The following CACNB2 variants were observed in gnomAD, a reference collection of about 807,000 sequenced individuals.
CACNB2 encodes the protein voltage-dependent L-type calcium channel subunit beta-2.
Under a neutral mutation model 73.3 loss-of-function variants are expected in CACNB2, and 42 were observed. The observed-to-expected ratio is 0.57, with a 90% CI of 0.45 to 0.74. The LOEUF (loss-of-function observed/expected upper bound fraction) is 0.74, where lower values mean the gene tolerates loss of function less well. Among genes scored for constraint, CACNB2 ranks in the 30% least tolerant of loss-of-function variants. The probability of loss-of-function intolerance (pLI) is 0.00; values close to 1 mark genes in which losing one functional copy is unlikely to be tolerated. For synonymous variants in CACNB2, 348 were observed against 310.3 expected (o/e 1.12, Z -1.28); for missense variants, 940 against 853.0 (o/e 1.10, Z -1.27).
intron 2 of CACNB2, among the ~76,000 whole-genome samples, chr10:18,197,199 A>T (rs867896359): frequency 2.6e-5 from 4 of 152,078 alleles, no homozygotes; most frequent in African/African-American, 9.7e-5. Context: ...TTCTTCTAGC[A>T]CCTAGCATTT....
chr10:18,524,687 A>G, intron 9 of CACNB2, among the ~76,000 whole-genome samples: 1 of 151,028 alleles, frequency 6.6e-6, no homozygotes, highest in South Asian at 2.1e-4. Context: ...TGAGCAAATA[A>G]AAAGTTGTTT....
chr10:18,222,983 C>T (rs1160281967), intron 2 of CACNB2, among the ~76,000 whole-genome samples: 1 of 152,130 alleles, frequency 6.6e-6, no homozygotes, highest in African/African-American at 2.4e-5. Context: ...AGTAAGCTTT[C>T]ATTCCTTTGT....
intron 2 of CACNB2, among the ~76,000 whole-genome samples, chr10:18,357,915 T>G (rs2132189088): frequency 6.6e-6 from 1 of 152,248 alleles, no homozygotes; most frequent in East Asian, 1.9e-4. Context: ...GACGATAAAC[T>G]CCTTAAGCTC....
intron 2 of CACNB2, among the ~76,000 whole-genome samples, chr10:18,323,233 A>T (rs2040460056): frequency 6.6e-6 from 1 of 151,990 alleles, no homozygotes; most frequent in Non-Finnish European, 1.5e-5. Flanking sequence ...TGCTGTGATT[A>T]CAGGCGTGAG....
In CACNB2 at chr10:18,538,034, A is replaced by C; in HGVS notation, c.1303-146A>C. The C allele has an allele frequency of 5.1e-6, 4 of 778,268 alleles. No individual in the cohort carries two copies. The South Asian group carries it at 5.6e-5, about 11-fold the overall frequency. 48.2% of individuals were successfully genotyped at this position (778,268 alleles called of 1,614,324 possible). A position where few individuals can be genotyped will look rare whatever the true frequency, so the allele number is the denominator to read the frequency against. ...GTAGTCAGACACTTCCTAACTAAAT[A>C]AAAAGGGAGATAGTAGCAGCACTTA... On this transcript the variant is annotated intron_variant, in intron 12 of 13. Coordinates refer to ENST00000324631, the MANE Select transcript of CACNB2 (RefSeq NM_201596.3).
chr10:18,338,841 T>C (rs2041118668), intron 2 of CACNB2, among the ~76,000 whole-genome samples: 1 of 148,446 alleles, frequency 6.7e-6, no homozygotes, highest in Non-Finnish European at 1.5e-5. Flanking sequence ...CAGGTTCAAA[T>C]GATCCTCCCA....
At chr10:18,306,171 C>T (rs142768010) in intron 2 of CACNB2, among the ~76,000 whole-genome samples, 5 of 152,126 alleles carry the variant, frequency 3.3e-5, no homozygotes, top group Non-Finnish European at 5.9e-5. Context: ...AAGTCAGGCA[C>T]AGATGCAGTG....
intron 2 of CACNB2, among the ~76,000 whole-genome samples, chr10:18,346,010 C>T (rs1212787728): frequency 1.3e-5 from 2 of 152,212 alleles, no homozygotes; most frequent in Non-Finnish European, 2.9e-5. Context: ...AACATATCAT[C>T]ACATTTCTGT....
chr10:18,199,826 T>C (rs1280899238), intron 2 of CACNB2, among the ~76,000 whole-genome samples: 4 of 151,940 alleles, frequency 2.6e-5, no homozygotes, highest in Admixed American at 6.6e-5. Context: ...TCAGGCGAAG[T>C]GTGATGGTAG....
chr10:18,542,764 G>A lies in CACNB2; in HGVS notation c.*3040G>A, dbSNP rs868195797. 2.6e-5 allele frequency: 4 copies of A among 152,074 alleles called. No individual in the cohort carries two copies. The highest frequency in any genetic ancestry group is 4.4e-5 in the Non-Finnish European group (3 of 68,026). The allele number at this position is 152,074 out of a possible 1,614,324, so 9.4% of individuals were successfully genotyped here. On this transcript the variant is annotated 3_prime_UTR_variant, in exon 14 of 14. Transcript: ENST00000324631. The stretch of plus-strand genomic sequence containing the variant: ...TCTCAAGGGCAATGGGATATTTACT[G>A]ACCTGCGGAATGTAAAGTTACAGTC...
intron 3 of CACNB2, among the ~76,000 whole-genome samples, chr10:18,427,938 A>G (rs4548524): frequency 0.33 from 49,471 of 151,980 alleles, 8,388 homozygotes; most frequent in Middle Eastern, 0.41. Flanking sequence ...TAAGTCAGTT[A>G]CTTAGCTCAT....
chr10:18,532,016 T>TG (rs1386231960), intron 10 of CACNB2: 5 of 152,224 alleles, frequency 3.3e-5, no homozygotes, highest in Admixed American at 1.3e-4. Flanking sequence ...GGGAAGTTTC[T>TG]GACATTTCTT....
chr10:18,464,243 T>C (rs2047740422), intron 3 of CACNB2, among the ~76,000 whole-genome samples: 2 of 150,876 alleles, frequency 1.3e-5, no homozygotes, highest in Non-Finnish European at 3.0e-5. Flanking sequence ...GTTAGGGTTC[T>C]TTAGCACTTA....
At chr10:18,230,586 G>T (rs1383682053) in intron 2 of CACNB2, among the ~76,000 whole-genome samples, 1 of 152,138 alleles carries the variant, frequency 6.6e-6, no homozygotes, top group African/African-American at 2.4e-5. Flanking sequence ...AGAATGAAAG[G>T]AAGGTGAGAA....
intron 2 of CACNB2, among the ~76,000 whole-genome samples, chr10:18,274,648 G>C (rs2038199263): frequency 6.6e-6 from 1 of 151,926 alleles, no homozygotes; most frequent in Non-Finnish European, 1.5e-5. Flanking sequence ...ACTTAATTTA[G>C]TCTTATGGCT....
chr10:18,254,955 T>C (rs922445547), intron 2 of CACNB2, among the ~76,000 whole-genome samples: 1 of 152,244 alleles, frequency 6.6e-6, no homozygotes, highest in Non-Finnish European at 1.5e-5. Flanking sequence ...CAATATCTAA[T>C]AGATTCATTC....
At chr10:18,448,478 T>TAAAAAAAAAAAAAA (rs1564560934) in intron 3 of CACNB2, among the ~76,000 whole-genome samples, 1 of 45,890 alleles carries the variant, frequency 2.2e-5, no homozygotes, top group African/African-American at 8.9e-5. Flanking sequence ...TCTCTCTCAT[T>TAAAAAAAAAAAAAA]TAAAAAAAAA....
chr10:18,192,303 T>G (rs1368487157), intron 2 of CACNB2, among the ~76,000 whole-genome samples: 2 of 147,744 alleles, frequency 1.4e-5, no homozygotes, highest in Non-Finnish European at 3.0e-5. Flanking sequence ...TTATAATTCA[T>G]TGAAGTGAAA....
intron 3 of CACNB2, among the ~76,000 whole-genome samples, chr10:18,487,590 T>C (rs1204637726): frequency 2.6e-5 from 4 of 152,082 alleles, no homozygotes; most frequent in Non-Finnish European, 5.9e-5. Context: ...ATCCCAGCAC[T>C]TTGGGAGACC....
Sources: allele counts gnomAD v4.1 joint callset (sites outside exome capture counted in the v4.1 genomes callset), GRCh38; gene constraint gnomAD v4.1.1; transcripts MANE v1.5; gene names NCBI Gene and HGNC (gene_info 2026-07-23, HGNC 2026-07-21).